STXBP5: variants seen among roughly 807,000 people sequenced by gnomAD.
The protein encoded by STXBP5 is syntaxin-binding protein 5.
In STXBP5, 50 loss-of-function variants were observed where a neutral mutation model predicts 152.4. The ratio of observed to expected loss-of-function variants is 0.33; its 90% CI spans 0.26 to 0.42. The LOEUF (loss-of-function observed/expected upper bound fraction) is 0.42. STXBP5 is among the 10% of genes least tolerant of loss of function. The probability of loss-of-function intolerance (pLI) is 1.00; values close to 1 mark genes in which losing one functional copy is unlikely to be tolerated. For missense variants in STXBP5, 1,167 were observed against 1,388.6 expected, an observed-to-expected ratio of 0.84 and a Z score of 2.54; for synonymous variants, 492 against 494.7, an observed-to-expected ratio of 0.99 and a Z score of 0.07.
In STXBP5 at chr6:147,273,680, G is replaced by A. The variant is rs145331757; in HGVS notation, c.715-4401G>A. On this transcript the variant is annotated intron_variant, in intron 7 of 27. Coordinates refer to ENST00000321680, the MANE Select transcript of STXBP5 (RefSeq NM_001127715.4). ...TAAAAAAAACGTTGATGCCGGGCGT[G>A]GTGGCTCACGCCTGTAATCCCAGCA... Among the ~76,000 whole-genome samples the A allele has an allele frequency of 4.7e-3, 716 of 152,246 alleles. 4 individuals are homozygous for A. Among genetic ancestry groups the A allele is most frequent in the African/African-American group, 0.016 (682 of 41,550 alleles).
chr6:147,236,376 T>C (rs1385252537), intron 3 of STXBP5, among the ~76,000 whole-genome samples: 1 of 152,168 alleles, frequency 6.6e-6, no homozygotes, highest in African/African-American at 2.4e-5. Context: ...TTATTTTTCC[T>C]CCTTTAAATA....
At chr6:147,251,118 T>C (rs1317080373) in intron 4 of STXBP5, among the ~76,000 whole-genome samples, 1 of 151,830 alleles carries the variant, frequency 6.6e-6, no homozygotes, top group East Asian at 1.9e-4. Context: ...GGTTAGACAG[T>C]GGGTGCAGTC....
At chr6:147,231,016 A>G (rs1486189255) in intron 2 of STXBP5, among the ~76,000 whole-genome samples, 2 of 151,720 alleles carry the variant, frequency 1.3e-5, no homozygotes, top group Non-Finnish European at 3.0e-5. Flanking sequence ...CTCCCTTCTC[A>G]ACCAATCAAC....
In STXBP5 at chr6:147,221,376, G is replaced by A. The variant is rs536963595; in HGVS notation, c.249-13874G>A. On this transcript the variant is annotated intron_variant, in intron 2 of 27. Coordinates refer to ENST00000321680, the MANE Select transcript of STXBP5 (RefSeq NM_001127715.4). ...TTTTTGCCTCTATTTCTCTGATGCTGCCTTCCTTTATGTAGAGCTGAGTTT... is the reference window on the plus strand; with the variant it reads ...TTTTTGCCTCTATTTCTCTGATGCTACCTTCCTTTATGTAGAGCTGAGTTT... Among the ~76,000 whole-genome samples the A allele has an allele frequency of 4.0e-5, 6 of 151,818 alleles. 1 individual carries two copies. The South Asian group carries it at 1.2e-3, about 32-fold the overall frequency.
intron 19 of STXBP5, among the ~76,000 whole-genome samples, chr6:147,338,734 A>G (rs1048279829): frequency 1.7e-4 from 26 of 151,982 alleles, no homozygotes; most frequent in Non-Finnish European, 3.7e-4. Flanking sequence ...TAGAATGAAT[A>G]TATAGTTTTA....
intron 16 of STXBP5, among the ~76,000 whole-genome samples, chr6:147,324,269 T>G (rs1284047938): frequency 3.3e-5 from 4 of 121,600 alleles, no homozygotes; most frequent in African/African-American, 1.3e-4. Context: ...TTTTGGTTTT[T>G]TTTTTTTTTT....
intron 18 of STXBP5, among the ~76,000 whole-genome samples, chr6:147,332,180 A>G (rs1474399207): frequency 3.9e-5 from 6 of 152,216 alleles, no homozygotes; most frequent in Non-Finnish European, 1.5e-5. Flanking sequence ...AAATTCTTTC[A>G]CATGTATTCA....
At chr6:147,217,836 T>C (rs1777254117) in intron 2 of STXBP5, among the ~76,000 whole-genome samples, 1 of 152,224 alleles carries the variant, frequency 6.6e-6, no homozygotes, top group Admixed American at 6.5e-5. Flanking sequence ...TACAGTTGTC[T>C]TGACTTAAAG....
chr6:147,291,047 A>G (rs773929818), intron 8 of STXBP5, 47 bp from the exon 9 acceptor site: 1 of 1,388,598 alleles, frequency 7.2e-7, no homozygotes, highest in Admixed American at 1.8e-5. Flanking sequence ...GTAAGAATGT[A>G]GAGTAACTTA....
In STXBP5 at chr6:147,363,360, A is replaced by C; in HGVS notation, c.2571A>C (p.Ala857=). 6.2e-7 allele frequency: 1 copy of C among 1,604,562 alleles called. No homozygotes were observed. The highest frequency in any genetic ancestry group is 1.3e-5 in the African/African-American group (1 of 74,256). ...PSGTILRLKG[A]ILRMAFLDTT... ...GTACTATATTGAGGTTAAAAGGTGC[A>C]ATCTTGAGAATGGCATTTCTGGATA... The change falls in exon 24 of 28, where the codon GCA becomes GCC. Residue 857 remains alanine, a synonymous_variant. Coordinates refer to ENST00000321680, the MANE Select transcript of STXBP5 (RefSeq NM_001127715.4).
intron 16 of STXBP5, among the ~76,000 whole-genome samples, chr6:147,320,601 G>C (rs1034598096): frequency 1.3e-5 from 2 of 148,216 alleles, no homozygotes; most frequent in East Asian, 4.2e-4. Flanking sequence ...GTGTACACAT[G>C]CTTGATTTTT....
chr6:147,238,556 C>T (rs796615857), intron 3 of STXBP5, among the ~76,000 whole-genome samples: 5 of 152,284 alleles, frequency 3.3e-5, no homozygotes, highest in Admixed American at 6.5e-5. Context: ...TGGGTGAGAA[C>T]GAGCCACTTA....
intron 19 of STXBP5, among the ~76,000 whole-genome samples, chr6:147,337,973 G>A (rs1783912235): frequency 6.6e-6 from 1 of 152,132 alleles, no homozygotes; most frequent in South Asian, 2.1e-4. Context: ...ACTTGACCAA[G>A]GGAGAGAAGT....
In STXBP5 at chr6:147,217,785, C is replaced by T. The variant is rs74367084; in HGVS notation, c.248+11717C>T. Among the ~76,000 whole-genome samples the T allele has an allele frequency of 1.1e-4, 16 of 152,122 alleles. No homozygotes were observed. In the East Asian group the frequency reaches 2.5e-3, roughly 24 times the overall value. On this transcript the variant is annotated intron_variant, in intron 2 of 27. Transcript: ENST00000321680. Reference sequence around the variant, plus strand: ...ACATTAAAACAAAAAAGCAGTTGACCGACCTAAATTTTCAGATACTGTTGG... The same window carrying T: ...ACATTAAAACAAAAAAGCAGTTGACTGACCTAAATTTTCAGATACTGTTGG...
chr6:147,364,001 T>A lies in STXBP5; in HGVS notation c.2916T>A (p.Ser972Arg). The A allele has an allele frequency of 6.2e-7, 1 of 1,609,662 alleles. No individual in the cohort carries two copies. Among genetic ancestry groups the A allele is most frequent in the Non-Finnish European group, 8.5e-7 (1 of 1,178,942 alleles). ...ACAAGTTTTTAATTTTTTTCTCAAG[T>A]TTGCCAAGTTTAAGACCTCTGTTGG... ...FCANGHIMTF[S>R]LPSLRPLLDV... Residue 972 changes from serine (S) to arginine (R), a missense_variant and splice_region_variant, in exon 25 of 28, where the codon AGT (serine) becomes AGA (arginine). Ser to Arg is a moderately radical substitution (Grantham distance 110). Coordinates refer to ENST00000321680, the MANE Select transcript of STXBP5 (RefSeq NM_001127715.4).
At chr6:147,379,968 C>T (rs1785996675) in intron 26 of STXBP5, among the ~76,000 whole-genome samples, 1 of 152,002 alleles carries the variant, frequency 6.6e-6, no homozygotes, top group African/African-American at 2.4e-5. Flanking sequence ...TTCAAAATAT[C>T]ATTTTAAGAA....
At chr6:147,353,708 A>G (rs540621570) in intron 22 of STXBP5, among the ~76,000 whole-genome samples, 2 of 152,296 alleles carry the variant, frequency 1.3e-5, no homozygotes, top group East Asian at 3.9e-4. Context: ...GTGAAAACCT[A>G]TTTTGAACTT....
intron 5 of STXBP5, 65 bp downstream of exon 5, chr6:147,260,814 C>CA: frequency 6.6e-7 from 1 of 1,516,646 alleles, no homozygotes; most frequent in Non-Finnish European, 8.9e-7. Context: ...ACCGTTACAT[C>CA]ATAGCCAATC....
chr6:147,216,404 CAA>C (rs1777170682), intron 2 of STXBP5, among the ~76,000 whole-genome samples: 1 of 151,898 alleles, frequency 6.6e-6, no homozygotes, highest in African/African-American at 2.4e-5. Flanking sequence ...AAACAAAAAA[CAA>C]AACAAAAAAA....
Sources: allele counts gnomAD v4.1 joint callset (sites outside exome capture counted in the v4.1 genomes callset), GRCh38; gene constraint gnomAD v4.1.1; transcripts MANE v1.5; gene names NCBI Gene and HGNC (gene_info 2026-07-23, HGNC 2026-07-21).